Variants in UNC79 observed in about 807,000 individuals in gnomAD.
UNC79 encodes the protein unc-79 subunit of NALCN channel complex, also known as protein unc-79 homolog.
Under a neutral mutation model 283.1 loss-of-function variants are expected in UNC79, and 37 were observed. The observed-to-expected ratio is 0.13, with a 90% CI of 0.10 to 0.17. The LOEUF (loss-of-function observed/expected upper bound fraction) is 0.17, where lower values mean the gene tolerates loss of function less well. UNC79 is among the 10% of genes least tolerant of loss of function. The probability of loss-of-function intolerance (pLI) is 1.00; values close to 1 mark genes in which losing one functional copy is unlikely to be tolerated. For missense variants in UNC79, 2,272 were observed against 3,211.1 expected (o/e 0.71, Z 7.07); for synonymous variants, 1,107 against 1,200.2 (o/e 0.92, Z 1.61).
chr14:93,623,893 A>T lies in UNC79; in HGVS notation c.5608+1052A>T, dbSNP rs563998003. Among the ~76,000 whole-genome samples the T allele has an allele frequency of 1.4e-3, 218 of 152,362 alleles. 1 individual carries two copies. Among genetic ancestry groups the T allele is most frequent in the Non-Finnish European group, 2.3e-3 (157 of 68,038 alleles). ...GGTGACAGAGTGAGACTCCGTCTAA[A>T]AAAATAAAATAAAATAAAAAAGTTA... On this transcript the variant is annotated intron_variant, in intron 30 of 48. Transcript: ENST00000555664.
At chr14:93,601,111 A>C (rs769519944) in intron 25 of UNC79, among the ~76,000 whole-genome samples, 3 of 152,162 alleles carry the variant, frequency 2.0e-5, no homozygotes, top group Non-Finnish European at 4.4e-5. Flanking sequence ...CATACTTTCT[A>C]AATTTCAATA....
In UNC79 at chr14:93,474,082, C is replaced by A; in HGVS notation, c.144-7C>A. ...TTGTCTCTTTTTTTTCTTTGTCCCC[C>A]CAACAGCATTTTGTCCCGCACAGGG... On this transcript the variant is annotated splice_region_variant and splice_polypyrimidine_tract_variant and intron_variant, in intron 2 of 48. Transcript: ENST00000555664. The surrounding 1 kb of genome is among the most constrained non-coding windows in gnomAD (Gnocchi z 4.1). 1 of 1,524,072 alleles carries A rather than the reference C, an allele frequency of 6.6e-7. No homozygotes were observed. Among genetic ancestry groups the A allele is most frequent in the Non-Finnish European group, 8.8e-7 (1 of 1,138,684 alleles). 94.4% of individuals were successfully genotyped at this position (1,524,072 alleles called of 1,614,324 possible). A position where few individuals can be genotyped will look rare whatever the true frequency, so the allele number is the denominator to read the frequency against.
intron 47 of UNC79, among the ~76,000 whole-genome samples, chr14:93,695,386 T>C (rs2075017776): frequency 6.6e-6 from 1 of 152,244 alleles, no homozygotes; most frequent in Admixed American, 6.5e-5. Flanking sequence ...AAAACTTGAC[T>C]GTTACCAGAA....
chr14:93,392,450 T>A (rs2054903794), intron 1 of UNC79, among the ~76,000 whole-genome samples: 1 of 152,206 alleles, frequency 6.6e-6, no homozygotes, highest in Non-Finnish European at 1.5e-5. Context: ...CACTTAAAAA[T>A]TTATTACACA....
chr14:93,365,485 A>G (rs1374051222), intron 1 of UNC79, among the ~76,000 whole-genome samples: 1 of 152,140 alleles, frequency 6.6e-6, no homozygotes, highest in African/African-American at 2.4e-5. Flanking sequence ...CAAGAAATAG[A>G]ACTAATACTG....
chr14:93,704,673 C>T lies in UNC79; in HGVS notation c.7590+7C>T. On this transcript the variant is annotated splice_region_variant and intron_variant, in intron 48 of 48. Transcript: ENST00000555664. ...GATTCAGTCAAATATCAAGGTAAGT[C>T]ACTCCCTGGGCTGATTGGAAGCTCG... The T allele has an allele frequency of 6.2e-7, 1 of 1,614,170 alleles. No homozygotes were observed. Among genetic ancestry groups the T allele is most frequent in the Non-Finnish European group, 8.5e-7 (1 of 1,180,014 alleles).
intron 1 of UNC79, among the ~76,000 whole-genome samples, chr14:93,414,161 G>A (rs1186221371): frequency 6.6e-6 from 1 of 151,536 alleles, no homozygotes; most frequent in Non-Finnish European, 1.5e-5. Flanking sequence ...ATGGTTTTAG[G>A]TCTAACGTTT....
At chr14:93,509,179 C>T (rs1288982946) in intron 7 of UNC79, among the ~76,000 whole-genome samples, 2 of 152,106 alleles carry the variant, frequency 1.3e-5, no homozygotes, top group East Asian at 3.9e-4. Flanking sequence ...ATCATGAGAG[C>T]AGCAAGGGGG....
chr14:93,536,782 C>CCCT (rs1567069571), intron 11 of UNC79, among the ~76,000 whole-genome samples: 1 of 82,438 alleles, frequency 1.2e-5, no homozygotes. Context: ...CCACCCCCGG[C>CCCT]TTTTTTTTTT....
rs1458227975 is a variant in UNC79 at position 93,688,791 on chromosome 14, A to G, written c.7036A>G (p.Ile2346Val). Reference sequence around the variant, plus strand: ...CAACCACAGAGATAACAAAGCTGTGATCCGCTATCTGCCTTGGCTTTATCA... The same window carrying G: ...CAACCACAGAGATAACAAAGCTGTGGTCCGCTATCTGCCTTGGCTTTATCA... The change falls in exon 44 of 49, where the codon ATC (isoleucine) becomes GTC (valine). Residue 2346 changes from isoleucine to valine, a missense_variant. Ile to Val is a conservative substitution (Grantham distance 29). This residue lies in a region of UNC79 where 225 missense variants were observed against 334.2 expected (regional missense o/e 0.67). Coordinates refer to ENST00000555664, the Ensembl canonical transcript of UNC79. The surrounding 1 kb of genome is among the most constrained non-coding windows in gnomAD (Gnocchi z 4.0). 2 of 1,614,040 alleles carry G rather than the reference A, an allele frequency of 1.2e-6. No homozygotes were observed. The highest frequency in any genetic ancestry group is 3.3e-5 in the Admixed American group (2 of 60,008).
At chr14:93,529,830 T>C (rs1334206002) in intron 10 of UNC79, among the ~76,000 whole-genome samples, 1 of 152,138 alleles carries the variant, frequency 6.6e-6, no homozygotes, top group Non-Finnish European at 1.5e-5. Flanking sequence ...CCCATCTCAA[T>C]GGAAAGACAA....
intron 14 of UNC79, among the ~76,000 whole-genome samples, chr14:93,558,786 C>CG (rs770691454): frequency 3.6e-4 from 54 of 151,934 alleles, no homozygotes; most frequent in Non-Finnish European, 7.5e-4. Flanking sequence ...TGACCCTGTT[C>CG]GCTGTGCCAT....
intron 7 of UNC79, among the ~76,000 whole-genome samples, chr14:93,500,320 A>G (rs1430737888): frequency 6.6e-6 from 1 of 152,188 alleles, no homozygotes; most frequent in African/African-American, 2.4e-5. Context: ...TTGCAATGAT[A>G]TGGTCATGCT....
chr14:93,572,172 G>T, intron 15 of UNC79, 88 bp downstream of exon 15: 2 of 1,376,384 alleles, frequency 1.5e-6, no homozygotes, highest in South Asian at 3.1e-5. Flanking sequence ...ACCCTACTAA[G>T]CGTTTTATAT....
intron 1 of UNC79, among the ~76,000 whole-genome samples, chr14:93,450,267 G>C (rs906501341): frequency 2.6e-5 from 4 of 152,194 alleles, no homozygotes; most frequent in Non-Finnish European, 5.9e-5. Flanking sequence ...TAAAATGAGT[G>C]TCCTTAGCTG....
intron 1 of UNC79, among the ~76,000 whole-genome samples, chr14:93,413,928 C>T (rs1449602506): frequency 4.2e-3 from 343 of 80,738 alleles, no homozygotes; most frequent in African/African-American, 5.5e-3. Context: ...TGGATATTAG[C>T]CCTTTGTCAG....
chr14:93,533,219 C>G (rs531106444), intron 11 of UNC79, among the ~76,000 whole-genome samples: 2 of 152,136 alleles, frequency 1.3e-5, no homozygotes, highest in East Asian at 3.9e-4. Flanking sequence ...CAGTTCTGTT[C>G]CCTCCTACCT....
At chr14:93,505,026 C>A (rs2140756766) in intron 7 of UNC79, among the ~76,000 whole-genome samples, 1 of 152,074 alleles carries the variant, frequency 6.6e-6, no homozygotes, top group Middle Eastern at 3.4e-3. Context: ...ATTCCATTGC[C>A]ATTTTTAACA....
intron 26 of UNC79, 82 bp downstream of exon 27, chr14:93,605,043 G>T: frequency 6.9e-7 from 1 of 1,442,100 alleles, no homozygotes; most frequent in South Asian, 1.4e-5. Context: ...TCTCTAACTG[G>T]ACCAGGGTGA....
Sources: gnomAD v4.1 joint callset for allele counts (sites outside exome capture counted in the v4.1 genomes callset) on GRCh38, gnomAD v4.1.1 for gene constraint, gnomAD v4.1.1 regional missense constraint, Gnocchi (gnomAD v3.1) non-coding constraint, MANE v1.5 for transcripts, NCBI Gene and HGNC (gene_info 2026-07-23, HGNC 2026-07-21) for gene names.